DNAI2: variants seen among roughly 807,000 people sequenced by gnomAD.
DNAI2 encodes dynein axonemal intermediate chain 2.
A neutral mutation model predicts 74.7 loss-of-function variants in DNAI2; 63 were observed. The observed-to-expected ratio is 0.84, with a 90% CI of 0.69 to 1.04. The LOEUF (loss-of-function observed/expected upper bound fraction) is 1.04. Among genes scored for constraint, DNAI2 ranks in the 50% least tolerant of loss-of-function variants. The pLI, the probability that DNAI2 is intolerant of heterozygous loss-of-function variation, is 0.00. For missense variants in DNAI2, 688 were observed against 803.2 expected, an observed-to-expected ratio of 0.86 and a Z score of 1.73; for synonymous variants, 289 against 314.9, an observed-to-expected ratio of 0.92 and a Z score of 0.87.
At position 74,285,212 on chromosome 17, in the gene DNAI2, C is replaced by T. The variant is rs2051641344; in HGVS notation, c.345+11C>T. 1 of 1,613,550 alleles carries T rather than the reference C, an allele frequency of 6.2e-7. No homozygotes were observed. Among genetic ancestry groups the T allele is most frequent in the Non-Finnish European group, 8.5e-7 (1 of 1,179,790 alleles). On this transcript the variant is annotated intron_variant, in intron 3 of 13. Transcript: ENST00000311014. ...ATGCAGCTCGGCTCTGTAAGGCTTC[C>T]TCCTGCCCCAGCTGCAAGAGCCCCA...
chr17:74,290,729 G>A (rs1040941764), intron 5 of DNAI2, among the ~76,000 whole-genome samples: 3 of 152,122 alleles, frequency 2.0e-5, no homozygotes, highest in African/African-American at 4.8e-5. Flanking sequence ...TCAAAACCTC[G>A]TTTCACACCA....
chr17:74,305,812 C>A (rs1435695160), intron 9 of DNAI2, among the ~76,000 whole-genome samples: 1 of 151,616 alleles, frequency 6.6e-6, no homozygotes, highest in Non-Finnish European at 1.5e-5. Flanking sequence ...GCTGGGACTA[C>A]AAGCACCTGC....
rs2143952412 is a variant in DNAI2, at chr17:74,291,102, A to G, written c.693A>G (p.Val231=). 1 of 1,613,718 alleles carries G rather than the reference A, an allele frequency of 6.2e-7. No homozygotes were observed. Among genetic ancestry groups the G allele is most frequent in the Non-Finnish European group, 8.5e-7 (1 of 1,179,854 alleles). ...AGTTCAACCCCAAAGATTCCCACGT[A>G]CTCCTGGGTGGCTGCTACAATGGAC... ...TLEFNPKDSH[V]LLGGCYNGQI... Residue 231 remains valine (V), a synonymous_variant, in exon 6 of 14, where the codon GTA becomes GTG. Transcript: ENST00000311014.
intron 1 of DNAI2, among the ~76,000 whole-genome samples, chr17:74,279,630 C>T (rs2051283525): frequency 6.6e-6 from 1 of 152,184 alleles, no homozygotes; most frequent in South Asian, 2.1e-4. Context: ...CAGGTTTAAG[C>T]GATTCTCCTA....
intron 10 of DNAI2, 100 bp downstream of exon 10, chr17:74,309,488 GC>G: frequency 6.4e-7 from 1 of 1,553,084 alleles, no homozygotes; most frequent in Non-Finnish European, 8.8e-7. Flanking sequence ...GCAGTGTGTG[GC>G]CAGGTGTGTT....
rs968241469 is a variant in DNAI2, at chr17:74,300,783, G to A, written c.865-263G>A. On this transcript the variant is annotated intron_variant, in intron 7 of 13. Coordinates refer to ENST00000311014, the MANE Select transcript of DNAI2 (RefSeq NM_023036.6). The surrounding 1 kb of genome is among the most constrained non-coding windows in gnomAD (Gnocchi z 4.5). ...ATACCGATTCTTGGCCTTGCACCTG[G>A]AGGTTTTGATTCAGTAGGTCGAGGG... 2.0e-5 allele frequency among the ~76,000 whole-genome samples: 3 copies of A among 152,194 alleles called. No homozygotes were observed. The highest frequency in any genetic ancestry group is 1.3e-4 in the Admixed American group (2 of 15,276).
chr17:74,309,450 G>A, intron 10 of DNAI2, 62 bp downstream of exon 10: 1 of 1,610,408 alleles, frequency 6.2e-7, no homozygotes. Flanking sequence ...CGGCGTGGGT[G>A]TGAGTGTGGG....
chr17:74,297,926 T>A (rs1223113616), intron 6 of DNAI2, among the ~76,000 whole-genome samples: 1 of 152,208 alleles, frequency 6.6e-6, no homozygotes, highest in Non-Finnish European at 1.5e-5. Context: ...GAGAAACTCC[T>A]CCTCTGAAGC....
At chr17:74,302,563 A>G (rs146585944) in intron 8 of DNAI2, among the ~76,000 whole-genome samples, 3,049 of 152,084 alleles carry the variant, frequency 0.02, 89 homozygotes, top group African/African-American at 0.067. Flanking sequence ...GCGAAACTCC[A>G]TCTCAAAAAA....
In DNAI2 at chr17:74,281,560, A is replaced by C; in HGVS notation, c.-11-247A>C. ...GTTGTCAGCTACCGCGCCTGGCCAAAATTTTTATTGCCCTCCTCAGAGAGC... is the reference window on the plus strand; with the variant it reads ...GTTGTCAGCTACCGCGCCTGGCCAACATTTTTATTGCCCTCCTCAGAGAGC... On this transcript the variant is annotated intron_variant, in intron 1 of 13. Coordinates refer to ENST00000311014, the MANE Select transcript of DNAI2 (RefSeq NM_023036.6). 1.0e-5 allele frequency: 6 copies of C among 585,656 alleles called. No individual in the cohort carries two copies. The Admixed American group carries it at 1.8e-4, about 18-fold the overall frequency. The allele number at this position is 585,656 out of a possible 1,614,324, so 36.3% of individuals were successfully genotyped here.
At chr17:74,305,993 A>C (rs1211544000) in intron 9 of DNAI2, among the ~76,000 whole-genome samples, 1 of 152,028 alleles carries the variant, frequency 6.6e-6, no homozygotes, top group Non-Finnish European at 1.5e-5. Flanking sequence ...CATAATCCTC[A>C]AACTATCCCC....
chr17:74,309,221 C>T, intron 9 of DNAI2, 32 bp from the exon 10 acceptor site: 1 of 1,613,410 alleles, frequency 6.2e-7, no homozygotes, highest in Non-Finnish European at 8.5e-7. Context: ...AGCCTCTGTC[C>T]CTCCAACCAT....
intron 6 of DNAI2, among the ~76,000 whole-genome samples, chr17:74,297,377 C>A (rs1334810956): frequency 6.6e-6 from 1 of 150,814 alleles, no homozygotes; most frequent in Non-Finnish European, 1.5e-5. Context: ...CAGGCATGAG[C>A]CACCGTGCCC....
intron 11 of DNAI2, 137 bp from the exon 12 acceptor site, chr17:74,311,865 TG>T: frequency 1.2e-6 from 1 of 828,454 alleles, no homozygotes; most frequent in Non-Finnish European, 2.0e-6. Flanking sequence ...ACACCAGCCC[TG>T]GGTACAGACC....
intron 9 of DNAI2, among the ~76,000 whole-genome samples, chr17:74,306,198 G>A (rs1246012135): frequency 6.6e-6 from 1 of 152,236 alleles, no homozygotes; most frequent in Non-Finnish European, 1.5e-5. Flanking sequence ...GTCTTGCTCA[G>A]TGCCACTCCT....
intron 9 of DNAI2, 127 bp downstream of exon 9, chr17:74,305,569 C>G (rs73360668): frequency 2.5e-6 from 2 of 791,826 alleles, no homozygotes; most frequent in Admixed American, 2.7e-5. Flanking sequence ...CACAAACACC[C>G]GAGCTCGTGT....
chr17:74,274,690 G>A (rs12946901), intron 1 of DNAI2, among the ~76,000 whole-genome samples: 82,615 of 151,990 alleles, frequency 0.54, 22,892 homozygotes, highest in East Asian at 0.8. Flanking sequence ...AAAAAAAGAA[G>A]AAAAACAGCC....
intron 2 of DNAI2, among the ~76,000 whole-genome samples, chr17:74,282,773 A>T (rs1022137361): frequency 1.3e-5 from 2 of 152,268 alleles, no homozygotes; most frequent in South Asian, 2.1e-4. Flanking sequence ...GTCTCTATGA[A>T]CTAAGTGATT....
rs1441537699 is a variant in DNAI2 at position 74,310,151 on chromosome 17, C to T, written c.1482C>T (p.Asn494=). Residue 494 remains asparagine, a synonymous_variant, in exon 11 of 14, where the codon AAC becomes AAT. Coordinates refer to ENST00000311014, the MANE Select transcript of DNAI2 (RefSeq NM_023036.6). ...CTACCCTCCAGAGGAATGAGAAGAA[C>T]GTAGCCTCTTCCGTAAGCACCGGGT... The part of the protein sequence containing the change: ...GLSTLQRNEK[N]VASSMFERET... 6.8e-6 allele frequency: 11 copies of T among 1,613,522 alleles called. No homozygotes were observed. The highest frequency in any genetic ancestry group is 2.2e-5 in the East Asian group (1 of 44,880).
Sources: gnomAD v4.1 joint callset for allele counts (sites outside exome capture counted in the v4.1 genomes callset) on GRCh38, gnomAD v4.1.1 for gene constraint, Gnocchi (gnomAD v3.1) non-coding constraint, MANE v1.5 for transcripts, NCBI Gene and HGNC (gene_info 2026-07-23, HGNC 2026-07-21) for gene names.